NAALAD2: variants seen among roughly 807,000 people sequenced by gnomAD.
The protein encoded by NAALAD2 is N-acetylated alpha-linked acidic dipeptidase 2.
Under a neutral mutation model 95.6 loss-of-function variants are expected in NAALAD2, and 89 were observed. That is an observed-to-expected ratio of 0.93 (90% CI 0.78 to 1.11). NAALAD2 has a LOEUF of 1.11. Among genes scored for constraint, NAALAD2 ranks in the 50% least tolerant of loss-of-function variants. The pLI, the probability that NAALAD2 is intolerant of heterozygous loss-of-function variation, is 0.00. For missense variants in NAALAD2, 894 were observed against 872.4 expected, an observed-to-expected ratio of 1.02 and a Z score of -0.31; for synonymous variants, 264 against 294.4, an observed-to-expected ratio of 0.90 and a Z score of 1.06.
chr11:90,147,460 T>C lies in NAALAD2; in HGVS notation c.325T>C (p.Tyr109His). ...KLVHYDVLLS[Y>H]PNETNANYIS... ...GGTTCATTATGATGTCCTCTTATCT[T>C]ACCCCAATGAGACAAATGCCAACTA... Residue 109 changes from tyrosine (Y) to histidine (H), a missense_variant, in exon 3 of 19, where the codon TAC becomes CAC. Physicochemically the swap from Tyr to His is moderately conservative, Grantham distance 83 (BLOSUM62 2). Coordinates refer to ENST00000534061, the MANE Select transcript of NAALAD2 (RefSeq NM_005467.4). The C allele has an allele frequency of 1.2e-6, 2 of 1,613,690 alleles. No individual in the cohort carries two copies. The highest frequency in any genetic ancestry group is 2.2e-5 in the South Asian group (2 of 90,994).
intron 11 of NAALAD2, among the ~76,000 whole-genome samples, chr11:90,166,679 C>T (rs547883244): frequency 1.3e-5 from 2 of 151,930 alleles, no homozygotes; most frequent in South Asian, 4.2e-4. Flanking sequence ...ACTAAAAATA[C>T]AAAAAATAAG....
intron 4 of NAALAD2, among the ~76,000 whole-genome samples, chr11:90,149,471 G>T (rs1397782749): frequency 6.6e-6 from 1 of 152,042 alleles, no homozygotes; most frequent in Non-Finnish European, 1.5e-5. Context: ...TTTCGCTCTT[G>T]TCACCCAGGC....
At chr11:90,146,638 T>G (rs1590964680) in intron 2 of NAALAD2, among the ~76,000 whole-genome samples, 1 of 152,084 alleles carries the variant, frequency 6.6e-6, no homozygotes, top group Admixed American at 6.5e-5. Context: ...GTGCTGGGAT[T>G]ACAGGTGTGA....
intron 6 of NAALAD2, among the ~76,000 whole-genome samples, chr11:90,155,384 AC>A (rs1319412502): frequency 5.6e-5 from 5 of 89,870 alleles, no homozygotes; most frequent in South Asian, 3.1e-4. Context: ...TACATATTAT[AC>A]ATGTAATATA....
chr11:90,142,662 C>G (rs2134837500), intron 2 of NAALAD2, among the ~76,000 whole-genome samples: 1 of 152,106 alleles, frequency 6.6e-6, no homozygotes, highest in East Asian at 1.9e-4. Context: ...GCTTTTTTAT[C>G]CACTCTGGTA....
At position 90,147,536 on chromosome 11, in the gene NAALAD2, C is replaced by T. The variant is rs374573581; in HGVS notation, c.381+20C>T. 2.0e-5 allele frequency: 32 copies of T among 1,581,388 alleles called. No individual in the cohort carries two copies. The highest frequency in any genetic ancestry group is 2.7e-5 in the Non-Finnish European group (31 of 1,163,904). On this transcript the variant is annotated intron_variant, in intron 3 of 18. Transcript: ENST00000534061. ...ACTGAGGTATGTGAAATTGTTGGTA[C>T]TTTTTATATTTTGCAATCCGACCGT... is the stretch of plus-strand genomic sequence containing the variant.
At chr11:90,147,791 A>G (rs1951782787) in intron 3 of NAALAD2, among the ~76,000 whole-genome samples, 1 of 152,124 alleles carries the variant, frequency 6.6e-6, no homozygotes, top group Non-Finnish European at 1.5e-5. Flanking sequence ...TTACCCAGAA[A>G]AGGGTCACTC....
chr11:90,162,722 A>C, intron 8 of NAALAD2: 1 of 290,236 alleles, frequency 3.4e-6, no homozygotes, highest in East Asian at 6.0e-5. Flanking sequence ...TTCAAGGTGC[A>C]TGCTTAGGTG....
At chr11:90,173,704 T>C in intron 13 of NAALAD2, 120 bp from the exon 14 acceptor site, 1 of 591,116 alleles carries the variant, frequency 1.7e-6, no homozygotes, top group South Asian at 2.9e-5. Flanking sequence ...TGTGTATAAA[T>C]ATATACATGT....
chr11:90,185,754 T>C lies in NAALAD2; in HGVS notation c.2033+2746T>C, dbSNP rs552136518. On this transcript the variant is annotated intron_variant, in intron 18 of 18. Transcript: ENST00000534061. Reference sequence around the variant, plus strand: ...AGGATTTTTCCACAATTATTTACTATTATGAAAAGTAATGGCATTGTATGG... The same window carrying C: ...AGGATTTTTCCACAATTATTTACTACTATGAAAAGTAATGGCATTGTATGG... 3.0e-4 allele frequency among the ~76,000 whole-genome samples: 46 copies of C among 152,262 alleles called. 1 individual carries two copies. The highest frequency in any genetic ancestry group is 1.1e-3 in the African/African-American group (44 of 41,546).
At chr11:90,137,306 A>G (rs1343726216) in intron 2 of NAALAD2, among the ~76,000 whole-genome samples, 1 of 152,170 alleles carries the variant, frequency 6.6e-6, no homozygotes, top group South Asian at 2.1e-4. Flanking sequence ...ATAGCACAAT[A>G]GGGCAACTAT....
chr11:90,168,126 C>A (rs1035026444), intron 11 of NAALAD2, among the ~76,000 whole-genome samples: 1 of 152,088 alleles, frequency 6.6e-6, no homozygotes, highest in African/African-American at 2.4e-5. Flanking sequence ...ACGAACCCAC[C>A]AGGAGGAAGG....
At chr11:90,140,875 T>C (rs1951594618) in intron 2 of NAALAD2, among the ~76,000 whole-genome samples, 1 of 152,178 alleles carries the variant, frequency 6.6e-6, no homozygotes, top group South Asian at 2.1e-4. Context: ...CTATTTTGAG[T>C]TATTTTGTGC....
intron 16 of NAALAD2, among the ~76,000 whole-genome samples, chr11:90,180,258 T>G (rs1952921136): frequency 6.6e-6 from 1 of 152,166 alleles, no homozygotes; most frequent in Non-Finnish European, 1.5e-5. Context: ...TCTTGACTTC[T>G]GTCCTGCATT....
Position 90,152,438 on chromosome 11 carries a change from T to G in NAALAD2, c.750T>G (p.Asn250Lys). Residue 250 changes from asparagine (N) to lysine (K), a missense_variant, in exon 6 of 19, where the codon AAT (asparagine) becomes AAG (lysine). Asn to Lys is a moderately conservative substitution (Grantham distance 94). Transcript: ENST00000534061. ...GTAAQRGNVL[N>K]LNGAGDPLTP... ...CAGCCCAGAGAGGAAATGTGTTAAA[T>G]TTGAATGGTGCTGGTGACCCACTCA... The G allele has an allele frequency of 6.2e-7, 1 of 1,613,818 alleles. No homozygotes were observed. Among genetic ancestry groups the G allele is most frequent in the Non-Finnish European group, 8.5e-7 (1 of 1,179,810 alleles).
rs997000197 is a variant in NAALAD2 at position 90,177,917 on chromosome 11, A to G, written c.1658A>G (p.Glu553Gly). The G allele has an allele frequency of 2.5e-6, 4 of 1,613,772 alleles. No homozygotes were observed. Among genetic ancestry groups the G allele is most frequent in the Non-Finnish European group, 3.4e-6 (4 of 1,179,940 alleles). Residue 553 changes from glutamate (E) to glycine (G), a missense_variant, in exon 16 of 19, where the codon GAG becomes GGG. Physicochemically the swap from Glu to Gly is moderately conservative, Grantham distance 98. Coordinates refer to ENST00000534061, the MANE Select transcript of NAALAD2 (RefSeq NM_005467.4). ...ATTTATGAGACATTTGAATTGGTAGAGAAATTTTATGACCCCACATTTAAA... is the reference window on the plus strand; with the variant it reads ...ATTTATGAGACATTTGAATTGGTAGGGAAATTTTATGACCCCACATTTAAA... ...HTIYETFELV[E>G]KFYDPTFKKQ...
intron 8 of NAALAD2, among the ~76,000 whole-genome samples, chr11:90,159,975 A>C (rs919416896): frequency 7.1e-6 from 1 of 141,824 alleles, no homozygotes; most frequent in Non-Finnish European, 1.5e-5. Context: ...AAAAAAAAAA[A>C]ACTAGGTGAA....
intron 13 of NAALAD2, among the ~76,000 whole-genome samples, chr11:90,170,401 G>C (rs1952599904): frequency 6.6e-6 from 1 of 152,134 alleles, no homozygotes; most frequent in Admixed American, 6.5e-5. Flanking sequence ...AGAGGTATTT[G>C]ATATAGCAGA....
chr11:90,155,680 AATACATAC>A (rs772309191), intron 6 of NAALAD2, among the ~76,000 whole-genome samples: 1 of 109,906 alleles, frequency 9.1e-6, no homozygotes, highest in Admixed American at 1.0e-4. Flanking sequence ...GTATGTATGT[AATACATAC>A]ATACATATGT....
Sources: allele counts gnomAD v4.1 joint callset (sites outside exome capture counted in the v4.1 genomes callset), GRCh38; gene constraint gnomAD v4.1.1; transcripts MANE v1.5; gene names NCBI Gene and HGNC (gene_info 2026-07-23, HGNC 2026-07-21).